Variants in TFB1M observed in about 807,000 individuals in gnomAD.
The protein encoded by TFB1M is transcription factor B1, mitochondrial, also known as dimethyladenosine transferase 1, mitochondrial.
A neutral mutation model predicts 31.1 loss-of-function variants in TFB1M; 27 were observed. The observed-to-expected ratio is 0.87, with a 90% CI of 0.64 to 1.20. The LOEUF (loss-of-function observed/expected upper bound fraction) is 1.20. Among genes scored for constraint, TFB1M ranks in the 50% most tolerant of loss-of-function variants. TFB1M has a pLI of 0.00. For missense variants in TFB1M, 394 were observed against 418.7 expected, an observed-to-expected ratio of 0.94 and a Z score of 0.51; for synonymous variants, 166 against 151.8, an observed-to-expected ratio of 1.09 and a Z score of -0.69.
intron 5 of TFB1M, among the ~76,000 whole-genome samples, chr6:155,268,813 GA>G (rs1351424162): frequency 2.0e-5 from 3 of 150,752 alleles, no homozygotes; most frequent in African/African-American, 7.4e-5. Context: ...AAACACTGCG[GA>G]AGGCCGCAGG....
chr6:155,275,803 C>T (rs765325126), intron 5 of TFB1M: 3 of 1,613,974 alleles, frequency 1.9e-6, no homozygotes, highest in Admixed American at 1.7e-5. Context: ...CTCTGCTGCC[C>T]AACTGGAAGG....
chr6:155,300,389 C>G (rs902656845), intron 2 of TFB1M, among the ~76,000 whole-genome samples: 6 of 151,924 alleles, frequency 3.9e-5, no homozygotes, highest in African/African-American at 1.5e-4. Flanking sequence ...GAGTTCCAGG[C>G]AATAAATCTT....
chr6:155,277,513 C>T (rs1785277871), intron 5 of TFB1M, among the ~76,000 whole-genome samples: 1 of 152,136 alleles, frequency 6.6e-6, no homozygotes, highest in Non-Finnish European at 1.5e-5. Context: ...TTTCTTTGTA[C>T]ATTAATAACT....
the TFB1M span, chr6:155,250,663 C>A: frequency 1.3e-6 from 2 of 1,511,810 alleles, no homozygotes; most frequent in East Asian, 4.9e-5. Context: ...GGTCACAAGG[C>A]ATGTCTCACC....
chr6:155,308,491 G>A (rs1777882227), intron 2 of TFB1M, among the ~76,000 whole-genome samples: 2 of 152,176 alleles, frequency 1.3e-5, no homozygotes, highest in Admixed American at 1.3e-4. Context: ...TGAGTCCTAA[G>A]AGCAAACTGA....
At position 155,256,729 on chromosome 6, in the gene TFB1M, G is replaced by T. The variant is rs997617223; in HGVS notation, c.*1107C>A. On this transcript the variant is annotated 3_prime_UTR_variant, in exon 7 of 7. Coordinates refer to ENST00000367166, the MANE Select transcript of TFB1M (RefSeq NM_016020.4). The stretch of plus-strand genomic sequence containing the variant: ...AGAGAGTGACATCCTGAGCGATGAA[G>T]ATGATGACCACCGTCAGACTGTGAA... 1.2e-6 allele frequency: 2 copies of T among 1,614,202 alleles called. No individual in the cohort carries two copies. Among genetic ancestry groups the T allele is most frequent in the African/African-American group, 1.3e-5 (1 of 75,038 alleles).
chr6:155,276,315 A>T, intron 5 of TFB1M: 1 of 1,613,884 alleles, frequency 6.2e-7, no homozygotes, highest in Non-Finnish European at 8.5e-7. Context: ...CCACCCACAC[A>T]GCAGCCTATC....
rs558695709 is a variant in TFB1M at position 155,263,424 on chromosome 6, A to T, written c.667-3024T>A. 6.6e-5 allele frequency among the ~76,000 whole-genome samples: 10 copies of T among 152,324 alleles called. No homozygotes were observed. The South Asian group carries it at 2.1e-3, about 32-fold the overall frequency. The stretch of plus-strand genomic sequence containing the variant: ...ACCAAAATGACCTACTAAAATTTCA[A>T]ATGAAAGGATTTAAAATGAATTTAA... On this transcript the variant is annotated intron_variant, in intron 5 of 6. Coordinates refer to ENST00000367166, the MANE Select transcript of TFB1M (RefSeq NM_016020.4).
At chr6:155,280,425 G>C (rs1273721438) in intron 5 of TFB1M, among the ~76,000 whole-genome samples, 3 of 152,164 alleles carry the variant, frequency 2.0e-5, no homozygotes, top group African/African-American at 7.2e-5. Context: ...CAGACGCGTG[G>C]GGCAATTTGT....
chr6:155,305,143 TATATATAA>T (rs1430643306), intron 2 of TFB1M, among the ~76,000 whole-genome samples: 20 of 88,116 alleles, frequency 2.3e-4, no homozygotes, highest in East Asian at 7.0e-4. Context: ...TATATATTTA[TATATATAA>T]ATATATATTA....
chr6:155,264,230 C>A (rs540144336), intron 5 of TFB1M: 8 of 152,288 alleles, frequency 5.3e-5, no homozygotes, highest in Non-Finnish European at 8.8e-5. Flanking sequence ...AGTACCTCCA[C>A]CAAGCTAATG....
the TFB1M span, among the ~76,000 whole-genome samples, chr6:155,247,338 GT>G: frequency 6.6e-6 from 1 of 151,158 alleles, no homozygotes; most frequent in African/African-American, 2.4e-5. Context: ...TTTTGATGTT[GT>G]TTTTTTTGAG....
rs1292097109 is a variant in TFB1M, at chr6:155,314,266, A to C, written c.133+30T>G. 5.0e-6 allele frequency: 8 copies of C among 1,611,710 alleles called. No homozygotes were observed. The East Asian group carries it at 1.6e-4, about 32-fold the overall frequency. ...CCACGCCCCCACGGACACTGGGGAG[A>C]CATCCGGGGAGCACTGCTAAGCCAT... On this transcript the variant is annotated intron_variant, in intron 1 of 6. Transcript: ENST00000367166.
chr6:155,250,396 G>T, the TFB1M span: 2 of 516,246 alleles, frequency 3.9e-6, no homozygotes, highest in Non-Finnish European at 6.3e-6. Flanking sequence ...CTTTTTATCT[G>T]ATTGCTTAAT....
downstream of TFB1M, chr6:155,254,408 C>A (rs1783871908): frequency 2.5e-6 from 4 of 1,610,236 alleles, no homozygotes; most frequent in East Asian, 2.2e-5. Flanking sequence ...TTTCTCTCCC[C>A]CCCCACCCAG....
At chr6:155,273,414 G>A (rs574266316) in intron 5 of TFB1M, among the ~76,000 whole-genome samples, 1 of 152,320 alleles carries the variant, frequency 6.6e-6, no homozygotes, top group South Asian at 2.1e-4. Context: ...ATCAATGTTT[G>A]TAGCTATGCA....
the TFB1M span, chr6:155,244,538 A>T: frequency 1.6e-6 from 2 of 1,245,500 alleles, no homozygotes; most frequent in Non-Finnish European, 2.2e-6. Context: ...TAAAGGATTT[A>T]CTTTCTGTCT....
Position 155,257,204 on chromosome 6 carries a change from A to C in TFB1M, c.*632T>G, listed in dbSNP as rs1377330241. On this transcript the variant is annotated 3_prime_UTR_variant, in exon 7 of 7. Transcript: ENST00000367166. Reference sequence around the variant, plus strand: ...AGTGGAAATTGCAAAAAAAAAAAAAAAAAAAAACTGTTCATTCCTGGGTTT... The same window carrying C: ...AGTGGAAATTGCAAAAAAAAAAAAACAAAAAAACTGTTCATTCCTGGGTTT... The C allele has an allele frequency of 7.7e-6, 11 of 1,421,758 alleles. No homozygotes were observed. In the East Asian group the frequency reaches 9.4e-5, roughly 12 times the overall value. 88.1% of individuals were successfully genotyped at this position (1,421,758 alleles called of 1,614,324 possible).
At chr6:155,254,302 TG>T, downstream of TFB1M, 1 of 1,373,358 alleles carries the variant, frequency 7.3e-7, no homozygotes, top group African/African-American at 1.4e-5. Flanking sequence ...TGCTGCTGGG[TG>T]GCTGGCTGGC....
Sources: gnomAD v4.1 joint callset for allele counts (sites outside exome capture counted in the v4.1 genomes callset) on GRCh38, gnomAD v4.1.1 for gene constraint, MANE v1.5 for transcripts, NCBI Gene and HGNC (gene_info 2026-07-23, HGNC 2026-07-21) for gene names.